Variants in PEX7 observed in about 807,000 individuals in gnomAD.
PEX7 encodes peroxisomal biogenesis factor 7.
A neutral mutation model predicts 47.5 loss-of-function variants in PEX7; 34 were observed. The observed-to-expected ratio is 0.72, with a 90% confidence interval of 0.54 to 0.95. The LOEUF is 0.95. PEX7 is among the 40% of genes least tolerant of loss of function. The pLI, the probability that PEX7 is intolerant of heterozygous loss-of-function variation, is 0.00. For missense variants in PEX7, 394 were observed against 400.3 expected (o/e 0.98, Z 0.13); for synonymous variants, 141 against 148.8 (o/e 0.95, Z 0.38).
intron 8 of PEX7, among the ~76,000 whole-genome samples, chr6:136,881,541 G>A (rs951142159): frequency 9.9e-5 from 15 of 152,108 alleles, no homozygotes; most frequent in South Asian, 2.1e-4. Context: ...TCAGTGCTTT[G>A]TTTCTGATTA....
chr6:136,866,237 G>A (rs182399288), intron 5 of PEX7, among the ~76,000 whole-genome samples: 156 of 151,784 alleles, frequency 1.0e-3, no homozygotes, highest in Non-Finnish European at 1.4e-3. Context: ...GACTTTGCCC[G>A]CCTTTAGCAG....
intron 5 of PEX7, among the ~76,000 whole-genome samples, chr6:136,854,769 G>A (rs1774828486): frequency 6.6e-6 from 1 of 152,160 alleles, no homozygotes; most frequent in Non-Finnish European, 1.5e-5. Flanking sequence ...GATTGAATTA[G>A]TGGTGTAGAA....
intron 5 of PEX7, among the ~76,000 whole-genome samples, chr6:136,848,745 A>G (rs1449759836): frequency 6.6e-6 from 1 of 152,062 alleles, no homozygotes; most frequent in Non-Finnish European, 1.5e-5. Context: ...TGCTAGATTC[A>G]GTTTGCCAGT....
At position 136,845,607 on chromosome 6, in the gene PEX7, GT is replaced by G; in HGVS notation, c.340-3del. The G allele has an allele frequency of 1.3e-6, 2 of 1,567,130 alleles. No individual in the cohort carries two copies. Among genetic ancestry groups the G allele is most frequent in the Non-Finnish European group, 1.8e-6 (2 of 1,137,154 alleles). ...TTTTGCTTTCTAAACACTTTTCAAT[GT>G]TTTTAGGTGTATAGTGTTGATTGGA... On this transcript the variant is annotated splice_polypyrimidine_tract_variant and splice_region_variant and intron_variant, in intron 3 of 9. Coordinates refer to ENST00000318471, the MANE Select transcript of PEX7 (RefSeq NM_000288.4).
chr6:136,825,892 G>A (rs1000653772), intron 2 of PEX7, among the ~76,000 whole-genome samples: 1 of 152,062 alleles, frequency 6.6e-6, no homozygotes, highest in African/African-American at 2.4e-5. Flanking sequence ...GAGGTGGGAG[G>A]ATTGCTTGAG....
At chr6:136,826,083 C>T (rs1273944629) in intron 2 of PEX7, among the ~76,000 whole-genome samples, 26 of 152,140 alleles carry the variant, frequency 1.7e-4, no homozygotes, top group Admixed American at 1.7e-3. Flanking sequence ...TGTACTATTA[C>T]ATTTTTGGAC....
intron 3 of PEX7, among the ~76,000 whole-genome samples, chr6:136,842,464 G>A (rs1774518438): frequency 6.6e-6 from 1 of 152,166 alleles, no homozygotes; most frequent in South Asian, 2.1e-4. Context: ...GTTGATTCAG[G>A]CTGGATTCTC....
chr6:136,825,780 C>G (rs1455692608), intron 2 of PEX7, among the ~76,000 whole-genome samples: 1 of 152,050 alleles, frequency 6.6e-6, no homozygotes, highest in African/African-American at 2.4e-5. Context: ...GGTGATCTGC[C>G]CACCTTGGCC....
chr6:136,871,554 C>T (rs1366046044), intron 7 of PEX7, among the ~76,000 whole-genome samples: 1 of 151,798 alleles, frequency 6.6e-6, no homozygotes, highest in Non-Finnish European at 1.5e-5. Flanking sequence ...TTGTTTATTA[C>T]TTTGTTTGCT....
At position 136,845,984 on chromosome 6, in the gene PEX7, T is replaced by C; in HGVS notation, c.418-89T>C. The C allele has an allele frequency of 3.9e-6, 3 of 763,658 alleles. No homozygotes were observed. In the South Asian group the frequency reaches 4.3e-5, roughly 11 times the overall value. The allele number at this position is 763,658 out of a possible 1,614,324, so 47.3% of individuals were successfully genotyped here. Reference sequence around the variant, plus strand: ...TATATATTGTATGCATATATATAAATGTATATAGTTTATTGGTGTATGTAG... The same window carrying C: ...TATATATTGTATGCATATATATAAACGTATATAGTTTATTGGTGTATGTAG... On this transcript the variant is annotated intron_variant, in intron 4 of 9. Transcript: ENST00000318471.
At chr6:136,910,747 G>C (rs1456804939) in intron 9 of PEX7, among the ~76,000 whole-genome samples, 1 of 152,192 alleles carries the variant, frequency 6.6e-6, no homozygotes, top group Non-Finnish European at 1.5e-5. Context: ...AGCATGAAAG[G>C]CTGGGAAATG....
At chr6:136,899,415 T>C (rs1775714319) in intron 9 of PEX7, among the ~76,000 whole-genome samples, 1 of 152,178 alleles carries the variant, frequency 6.6e-6, no homozygotes, top group Non-Finnish European at 1.5e-5. Flanking sequence ...GCTTATTTTT[T>C]GTATTTTTAG....
At chr6:136,869,705 A>G (rs1354169119) in intron 6 of PEX7, among the ~76,000 whole-genome samples, 185 bp from the exon 7 acceptor site, 1 of 152,130 alleles carries the variant, frequency 6.6e-6, no homozygotes, top group Non-Finnish European at 1.5e-5. Flanking sequence ...CACAAGTCAT[A>G]TTAGTTTTTT....
At chr6:136,848,114 A>G (rs1287079893) in intron 5 of PEX7, among the ~76,000 whole-genome samples, 1 of 152,096 alleles carries the variant, frequency 6.6e-6, no homozygotes, top group Admixed American at 6.6e-5. Context: ...GCAATTGTGA[A>G]TGGGAGTTCA....
At chr6:136,888,899 TTGCTG>T (rs1267183358) in intron 8 of PEX7, among the ~76,000 whole-genome samples, 1 of 152,128 alleles carries the variant, frequency 6.6e-6, no homozygotes, top group African/African-American at 2.4e-5. Flanking sequence ...AGGAGAAGAC[TTGCTG>T]TTCAGTTGTG....
rs1384228426 is a variant in PEX7 at position 136,908,599 on chromosome 6, CGG to C, written c.904-4858_904-4857del. Among the ~76,000 whole-genome samples the C allele has an allele frequency of 2.1e-4, 32 of 152,144 alleles. 1 individual carries two copies. The highest frequency in any genetic ancestry group is 9.2e-4 in the Admixed American group (14 of 15,266). On this transcript the variant is annotated intron_variant, in intron 9 of 9. Transcript: ENST00000318471. ...CATTTTCCACTTGTGTATCCTTGGG[CGG>C]AAGCAGTAGAGCCTGGAGGCCCCTG...
intron 5 of PEX7, among the ~76,000 whole-genome samples, chr6:136,865,612 T>A (rs928378461): frequency 2.0e-5 from 3 of 152,138 alleles, no homozygotes; most frequent in Admixed American, 2.0e-4. Context: ...ACTCCATCTC[T>A]ACTAAAAATA....
Position 136,822,705 on chromosome 6 carries a change from A to T in PEX7, c.40A>T (p.Thr14Ser). Residue 14 changes from threonine (T) to serine (S), a missense_variant, in exon 1 of 10, where the codon ACG (threonine) becomes TCG (serine). By Grantham distance (58) the Thr-to-Ser change is moderately conservative (BLOSUM62 1). Transcript: ENST00000318471. ...CGGTGGAGCGGCGCGGATGCTGCGG[A>T]CGCCGGGACGCCACGGCTACGCCGC... ...VCGGAARMLR[T>S]PGRHGYAAEF... 1 of 1,517,438 alleles carries T rather than the reference A, an allele frequency of 6.6e-7. No individual in the cohort carries two copies. The highest frequency in any genetic ancestry group is 8.8e-7 in the Non-Finnish European group (1 of 1,139,532). 94.0% of individuals were successfully genotyped at this position (1,517,438 alleles called of 1,614,324 possible).
intron 5 of PEX7, among the ~76,000 whole-genome samples, chr6:136,857,786 G>A (rs1042428817): frequency 6.6e-6 from 1 of 152,180 alleles, no homozygotes; most frequent in Non-Finnish European, 1.5e-5. Flanking sequence ...AAAGGGCTTA[G>A]TTAGAACAGT....
Sources: gnomAD v4.1 joint callset for allele counts (sites outside exome capture counted in the v4.1 genomes callset) on GRCh38, gnomAD v4.1.1 for gene constraint, MANE v1.5 for transcripts, NCBI Gene and HGNC (gene_info 2026-07-23, HGNC 2026-07-21) for gene names.